KIF25: variants seen among roughly 807,000 people sequenced by gnomAD.
KIF25 encodes kinesin-like protein KIF25.
Under a neutral mutation model 32.9 loss-of-function variants are expected in KIF25, and 19 were observed. That is an observed-to-expected ratio of 0.58 (90% CI 0.40 to 0.85). The LOEUF (loss-of-function observed/expected upper bound fraction) is 0.85. Ranked by LOEUF, KIF25 falls within the 40% of genes least tolerant of loss-of-function variation. The probability of loss-of-function intolerance (pLI) is 0.00; values close to 1 mark genes in which losing one functional copy is unlikely to be tolerated. For missense variants in KIF25, 485 were observed against 507.0 expected, an observed-to-expected ratio of 0.96 and a Z score of 0.42; for synonymous variants, 225 against 213.7, an observed-to-expected ratio of 1.05 and a Z score of -0.46.
chr6:168,014,041 C>T (rs896992547), intron 4 of KIF25, among the ~76,000 whole-genome samples: 2 of 151,978 alleles, frequency 1.3e-5, no homozygotes, highest in Non-Finnish European at 2.9e-5. Context: ...ATGCCTTAAG[C>T]ACCAGTATTC....
intron 2 of KIF25, among the ~76,000 whole-genome samples, chr6:168,000,281 C>G (rs113565510): frequency 8.3e-6 from 1 of 119,818 alleles, no homozygotes; most frequent in Non-Finnish European, 1.7e-5. Flanking sequence ...CCTCCATAAA[C>G]CTGCCCCTCC....
chr6:168,030,724 C>T (rs767119808), intron 6 of KIF25, 49 bp from the exon 7 acceptor site: 1 of 1,495,038 alleles, frequency 6.7e-7, no homozygotes, highest in Non-Finnish European at 9.2e-7. Context: ...CATGCTAGAG[C>T]CGCTTTCTGC....
At chr6:168,032,829 C>T (rs570698353) in intron 7 of KIF25, among the ~76,000 whole-genome samples, 29 of 152,260 alleles carry the variant, frequency 1.9e-4, no homozygotes, top group Middle Eastern at 3.4e-3. Flanking sequence ...ATGACTCGGA[C>T]GGGGGGTCAG....
At chr6:168,035,621 G>A (rs1799012407) in intron 8 of KIF25, 1 of 442,376 alleles carries the variant, frequency 2.3e-6, no homozygotes, top group Non-Finnish European at 4.6e-6. Context: ...TCCAGAAACC[G>A]GATAATCAGC....
At chr6:168,000,257 ACC>A in intron 2 of KIF25, among the ~76,000 whole-genome samples, 1 of 64,788 alleles carries the variant, frequency 1.5e-5, no homozygotes, top group Non-Finnish European at 2.9e-5. Flanking sequence ...ACCACGCCTG[ACC>A]TTCTCGCCCT....
Position 168,044,992 on chromosome 6 carries a change from A to G in KIF25, c.1151A>G (p.Asp384Gly). Residue 384 changes from aspartate to glycine, a missense_variant, in exon 13 of 13, where the codon GAT (aspartate) becomes GGT (glycine). Physicochemically the swap from Asp to Gly is moderately conservative, Grantham distance 94. Transcript: ENST00000643607. ...SSQTEGKRRPD is the reference protein window; with the variant it reads ...SSQTEGKRRPG ...CAAACGGAGGGGAAGAGGAGGCCGG[A>G]TTGAATGCATTAACAAGTTTTTCTC... 3 of 1,585,262 alleles carry G rather than the reference A, an allele frequency of 1.9e-6. No individual in the cohort carries two copies. The highest frequency in any genetic ancestry group is 2.3e-5 in the East Asian group (1 of 44,264).
Position 167,998,179 on chromosome 6 carries a change from T to G in KIF25, c.-1290T>G, listed in dbSNP as rs551723351. The G allele has an allele frequency of 7.2e-5, 11 of 151,832 alleles. No homozygotes were observed. The highest frequency in any genetic ancestry group is 1.0e-4 in the Non-Finnish European group (7 of 67,954). The allele number at this position is 151,832 out of a possible 1,614,324, so 9.4% of individuals were successfully genotyped here. A position where few individuals can be genotyped will look rare whatever the true frequency, so the allele number is the denominator to read the frequency against. On this transcript the variant is annotated 5_prime_UTR_variant, in exon 1 of 13. Coordinates refer to ENST00000643607, the MANE Select transcript of KIF25 (RefSeq NM_030615.4). Reference sequence around the variant, plus strand: ...GCTGCAGCTTTTTTTTTTTTTAATCTGGAGCATGAAAAAGATAATATGAAC... The same window carrying G: ...GCTGCAGCTTTTTTTTTTTTTAATCGGGAGCATGAAAAAGATAATATGAAC...
intron 5 of KIF25, among the ~76,000 whole-genome samples, chr6:168,019,748 G>A (rs1798763337): frequency 6.6e-6 from 1 of 152,182 alleles, no homozygotes; most frequent in Non-Finnish European, 1.5e-5. Flanking sequence ...TGGCGCCATG[G>A]GACCATGATG....
Position 168,040,103 on chromosome 6 carries a change from A to T in KIF25, c.533A>T (p.His178Leu). The T allele has an allele frequency of 6.2e-7, 1 of 1,613,960 alleles. No homozygotes were observed. Among genetic ancestry groups the T allele is most frequent in the Non-Finnish European group, 8.5e-7 (1 of 1,179,962 alleles). Residue 178 changes from histidine (H) to leucine (L), a missense_variant, in exon 10 of 13, where the codon CAT becomes CTT. His to Leu is a moderately conservative substitution (Grantham distance 99, BLOSUM62 -3). Around this residue, in one of 2 missense-constraint regions of KIF25, gnomAD observed 480 missense variants for 470.3 expected, o/e 1.02. Coordinates refer to ENST00000643607, the MANE Select transcript of KIF25 (RefSeq NM_030615.4). Reference sequence around the variant, plus strand: ...GCCTCGAAACTGATGGAGCTCGTTCATGGAGGTCTGCAGCTCAGGGCGAAG... The same window carrying T: ...GCCTCGAAACTGATGGAGCTCGTTCTTGGAGGTCTGCAGCTCAGGGCGAAG... ...GSASKLMELVHGGLQLRAKHP... is the reference protein window; with the variant it reads ...GSASKLMELVLGGLQLRAKHP...
In KIF25 at chr6:168,041,992, C is replaced by G. The variant is rs1445257389; in HGVS notation, c.670C>G (p.Leu224Val). Residue 224 changes from leucine (L) to valine (V), a missense_variant, in exon 11 of 13, where the codon CTC becomes GTC. By Grantham distance (32) the Leu-to-Val change is conservative (BLOSUM62 1). Transcript: ENST00000643607. ...AGCAGACCAAGCCTGCAGTGCCACC[C>G]TCCCCAGGGAGCAAACAGAGGCAGG... is the stretch of plus-strand genomic sequence containing the variant. ...STADQACSATLPREQTEAGRA... is the reference protein window; with the variant it reads ...STADQACSATVPREQTEAGRA... 6.4e-7 allele frequency: 1 copy of G among 1,551,822 alleles called. No homozygotes were observed. The highest frequency in any genetic ancestry group is 2.4e-5 in the East Asian group (1 of 40,982).
At chr6:168,018,526 C>T (rs527395546) in intron 5 of KIF25, among the ~76,000 whole-genome samples, 7 of 152,284 alleles carry the variant, frequency 4.6e-5, no homozygotes, top group Admixed American at 3.9e-4. Flanking sequence ...TCCATATGTT[C>T]ATTGTTTTAA....
chr6:168,028,021 A>G (rs980640681), intron 5 of KIF25, among the ~76,000 whole-genome samples: 1 of 152,120 alleles, frequency 6.6e-6, no homozygotes, highest in Admixed American at 6.5e-5. Flanking sequence ...GCCAGGTTCC[A>G]GAAGAACCCC....
chr6:168,019,451 C>T (rs910604729), intron 5 of KIF25, among the ~76,000 whole-genome samples: 2 of 152,130 alleles, frequency 1.3e-5, no homozygotes, highest in Non-Finnish European at 2.9e-5. Context: ...CCAAATAAAA[C>T]ATCTGGAGAT....
intron 7 of KIF25, among the ~76,000 whole-genome samples, chr6:168,031,257 A>G (rs1452356614): frequency 6.6e-6 from 1 of 152,244 alleles, no homozygotes; most frequent in Non-Finnish European, 1.5e-5. Flanking sequence ...CTTGCAGTAT[A>G]CAACTACTGA....
At chr6:168,012,490 A>G (rs540818115) in intron 4 of KIF25, among the ~76,000 whole-genome samples, 1 of 152,270 alleles carries the variant, frequency 6.6e-6, no homozygotes, top group Non-Finnish European at 1.5e-5. Context: ...CGGCTTTTCC[A>G]AGGGTAGGCT....
chr6:168,019,697 A>AT (rs1192111881), intron 5 of KIF25, among the ~76,000 whole-genome samples: 8 of 152,222 alleles, frequency 5.3e-5, no homozygotes, highest in South Asian at 2.1e-4. Context: ...TGTTATATGT[A>AT]TTTTTTTACC....
chr6:168,040,781 G>A (rs917498046), intron 10 of KIF25, among the ~76,000 whole-genome samples: 1 of 152,180 alleles, frequency 6.6e-6, no homozygotes, highest in Non-Finnish European at 1.5e-5. Flanking sequence ...GAAAAGCAGG[G>A]CATAATACAC....
intron 4 of KIF25, among the ~76,000 whole-genome samples, chr6:168,005,239 A>G (rs1798563773): frequency 6.6e-6 from 1 of 152,136 alleles, no homozygotes; most frequent in Admixed American, 6.5e-5. Context: ...CTTCTCCTCT[A>G]TCCTCCTAGG....
At position 168,030,833 on chromosome 6, in the gene KIF25, T is replaced by C; in HGVS notation, c.153T>C (p.Thr51=). Residue 51 remains threonine, a synonymous_variant, in exon 7 of 13, where the codon ACT becomes ACC. Transcript: ENST00000643607. ...AVFGDVCPLL[T]SLLDGYNVCV... Reference sequence around the variant, plus strand: ...TTGGAGATGTGTGCCCCCTACTCACTTCTCTCTTGGATGGGTGAGTTAAAA... The same window carrying C: ...TTGGAGATGTGTGCCCCCTACTCACCTCTCTCTTGGATGGGTGAGTTAAAA... 1.2e-6 allele frequency: 2 copies of C among 1,612,064 alleles called. No individual in the cohort carries two copies. The highest frequency in any genetic ancestry group is 2.2e-5 in the South Asian group (2 of 90,870).
Sources: gnomAD v4.1 joint callset for allele counts (sites outside exome capture counted in the v4.1 genomes callset) on GRCh38, gnomAD v4.1.1 for gene constraint, gnomAD v4.1.1 regional missense constraint, MANE v1.5 for transcripts, NCBI Gene and HGNC (gene_info 2026-07-23, HGNC 2026-07-21) for gene names.